Variants in PHYH observed in about 807,000 individuals in gnomAD.
The protein encoded by PHYH is phytanoyl-CoA 2-hydroxylase.
A neutral mutation model predicts 38.5 loss-of-function variants in PHYH; 32 were observed. The ratio of observed to expected loss-of-function variants is 0.83; its 90% CI spans 0.63 to 1.12. The LOEUF is 1.12. Ranked by LOEUF, PHYH falls within the 50% of genes most tolerant of loss-of-function variation. The pLI is 0.00. For synonymous variants in PHYH, 166 were observed against 157.9 expected, an observed-to-expected ratio of 1.05 and a Z score of -0.38; for missense variants, 426 against 434.8, an observed-to-expected ratio of 0.98 and a Z score of 0.18.
chr10:13,291,205 A>G (rs1835702859), intron 5 of PHYH, among the ~76,000 whole-genome samples: 1 of 152,130 alleles, frequency 6.6e-6, no homozygotes, highest in South Asian at 2.1e-4. Context: ...CAGGAATGCA[A>G]GAATCCACAC....
At chr10:13,289,062 T>C (rs1451811041) in intron 5 of PHYH, among the ~76,000 whole-genome samples, 3 of 151,276 alleles carry the variant, frequency 2.0e-5, no homozygotes, top group Non-Finnish European at 2.9e-5. Context: ...AAACACCAAA[T>C]TGGAAATCAA....
intron 6 of PHYH, among the ~76,000 whole-genome samples, chr10:13,286,064 T>C (rs1835541513): frequency 6.6e-6 from 1 of 152,052 alleles, no homozygotes; most frequent in Admixed American, 6.6e-5. Flanking sequence ...TGCGCCACCA[T>C]GCCCAGCTAA....
chr10:13,291,586 C>T, intron 5 of PHYH: 1 of 504,348 alleles, frequency 2.0e-6, no homozygotes, highest in Non-Finnish European at 3.6e-6. Context: ...CTCAAGTGAT[C>T]CTCCCACCTC....
intron 1 of PHYH, 55 bp downstream of exon 1, chr10:13,299,913 A>G: frequency 6.7e-7 from 1 of 1,487,370 alleles, no homozygotes; most frequent in Non-Finnish European, 8.9e-7. Flanking sequence ...GCCACCACTC[A>G]GGCGGCGGCG....
Position 13,278,334 on chromosome 10 carries a change from A to G in PHYH, c.984T>C (p.Ala328=). 1 of 1,612,386 alleles carries G rather than the reference A, an allele frequency of 6.2e-7. No individual in the cohort carries two copies. The highest frequency in any genetic ancestry group is 8.5e-7 in the Non-Finnish European group (1 of 1,178,428). The change falls in exon 9 of 9, where the codon GCT becomes GCC. Residue 328 remains alanine, a synonymous_variant. Transcript: ENST00000263038. The part of the protein sequence containing the change: ...VNLKDIWMFR[A]RLVKGERTNL ...TGGTTCTTTCTCCTTTCACAAGTCG[A>G]GCTCGAAACATCCAAATATCCTGGA...
At chr10:13,291,703 C>G (rs1260280014) in intron 5 of PHYH, 128 bp downstream of exon 5, 1 of 710,894 alleles carries the variant, frequency 1.4e-6, no homozygotes, top group Non-Finnish European at 2.5e-6. Context: ...CACTCTCAAA[C>G]TCCTGGCCTC....
At chr10:13,283,345 A>G (rs568947995) in intron 7 of PHYH, among the ~76,000 whole-genome samples, 27 of 151,572 alleles carry the variant, frequency 1.8e-4, no homozygotes, top group East Asian at 7.8e-4. Context: ...TAGCCAGGAT[A>G]GTCTCGATCT....
chr10:13,296,377 G>C (rs1350067011), intron 2 of PHYH, among the ~76,000 whole-genome samples: 1 of 151,104 alleles, frequency 6.6e-6, no homozygotes, highest in Non-Finnish European at 1.5e-5. Context: ...GGGAGTTCGA[G>C]ACCAGCCTGA....
intron 8 of PHYH, among the ~76,000 whole-genome samples, chr10:13,280,386 G>A (rs1835384768): frequency 6.6e-6 from 1 of 152,100 alleles, no homozygotes; most frequent in South Asian, 2.1e-4. Flanking sequence ...TGTCACCCAG[G>A]CTGGAGTGCA....
At chr10:13,281,407 T>A (rs935563935) in intron 7 of PHYH, among the ~76,000 whole-genome samples, 1 of 152,054 alleles carries the variant, frequency 6.6e-6, no homozygotes, top group Non-Finnish European at 1.5e-5. Flanking sequence ...TAGTTTTTTT[T>A]TTTTTTAGCA....
intron 5 of PHYH, among the ~76,000 whole-genome samples, chr10:13,291,250 A>T (rs1234688453): frequency 2.0e-5 from 3 of 152,126 alleles, no homozygotes; most frequent in Non-Finnish European, 4.4e-5. Context: ...AAGCTTAGAG[A>T]CGTCGAATGG....
intron 5 of PHYH, 28 bp downstream of exon 5, chr10:13,291,803 A>ATT: frequency 1.4e-6 from 2 of 1,478,566 alleles, no homozygotes; most frequent in Non-Finnish European, 1.9e-6. Context: ...TAATGAAACC[A>ATT]TTTTTTTTTC....
intron 4 of PHYH, among the ~76,000 whole-genome samples, chr10:13,292,616 C>T (rs1031200766): frequency 7.9e-5 from 12 of 151,964 alleles, no homozygotes; most frequent in African/African-American, 2.9e-4. Flanking sequence ...AACCCAGCAA[C>T]GGAGAGGGAA....
Position 13,300,052 on chromosome 10 carries a change from GC to G in PHYH, c.-11del, listed in dbSNP as rs1414391321. On this transcript the variant is annotated 5_prime_UTR_variant, in exon 1 of 9. Coordinates refer to ENST00000263038, the MANE Select transcript of PHYH (RefSeq NM_006214.4). ...CGCGAAGCTGCTCCATGGCTGCGGC[GC>G]GGGGAACCCCCACCCCTCCCGGCCT... 1.3e-6 allele frequency: 2 copies of G among 1,530,058 alleles called. No homozygotes were observed. Among genetic ancestry groups the G allele is most frequent in the Admixed American group, 4.0e-5 (2 of 50,572 alleles). 94.8% of individuals were successfully genotyped at this position (1,530,058 alleles called of 1,614,324 possible).
chr10:13,294,175 G>A (rs746107584), intron 4 of PHYH, among the ~76,000 whole-genome samples: 108 of 152,196 alleles, frequency 7.1e-4, no homozygotes, highest in Non-Finnish European at 1.2e-3. Flanking sequence ...GCACTCCAGC[G>A]TGGGCAACAG....
intron 2 of PHYH, among the ~76,000 whole-genome samples, 163 bp from the exon 3 acceptor site, chr10:13,295,769 C>G (rs1297722624): frequency 1.3e-5 from 2 of 150,924 alleles, no homozygotes; most frequent in Admixed American, 6.6e-5. Context: ...AACCCTGTCT[C>G]TACAAAAAAT....
chr10:13,291,850 T>C lies in PHYH; in HGVS notation c.477A>G (p.Ile159Met). ...PNIMAMHTML[I>M]NKPPDSGKKT... ...AATTACCAGAATCTGGAGGTTTGTT[T>C]ATCAACATTGTGTGCATGGCCATAA... Residue 159 changes from isoleucine (I) to methionine (M), a missense_variant, in exon 5 of 9, where the codon ATA becomes ATG. Ile to Met is a conservative substitution (Grantham distance 10, BLOSUM62 1). Transcript: ENST00000263038. The C allele has an allele frequency of 6.2e-7, 1 of 1,609,756 alleles. No homozygotes were observed. Among genetic ancestry groups the C allele is most frequent in the Non-Finnish European group, 8.5e-7 (1 of 1,176,692 alleles).
intron 1 of PHYH, 165 bp downstream of exon 1, chr10:13,299,803 G>T: frequency 7.6e-7 from 1 of 1,314,900 alleles, no homozygotes. Flanking sequence ...CCCGCTCCCC[G>T]GCTCCTGGAA....
rs527685773 is a variant in PHYH at position 13,291,928 on chromosome 10, A to C, written c.415-16T>G. On this transcript the variant is annotated splice_polypyrimidine_tract_variant and intron_variant, in intron 4 of 8. Coordinates refer to ENST00000263038, the MANE Select transcript of PHYH (RefSeq NM_006214.4). ...ATTTCAGAATCTAAGAAAGCAAAAA[A>C]AAAACAAAAACAAACCTTGTGGGAA... 1.3e-6 allele frequency: 2 copies of C among 1,549,672 alleles called. No individual in the cohort carries two copies. The highest frequency in any genetic ancestry group is 1.8e-6 in the Non-Finnish European group (2 of 1,125,924).
Sources: allele counts gnomAD v4.1 joint callset (sites outside exome capture counted in the v4.1 genomes callset), GRCh38; gene constraint gnomAD v4.1.1; transcripts MANE v1.5; gene names NCBI Gene and HGNC (gene_info 2026-07-23, HGNC 2026-07-21).